The following CACNA1E variants were observed in gnomAD, a reference collection of about 807,000 sequenced individuals.
CACNA1E encodes calcium voltage-gated channel subunit alpha1 E.
Under a neutral mutation model 259.2 loss-of-function variants are expected in CACNA1E, and 40 were observed. The ratio of observed to expected loss-of-function variants is 0.15; its 90% CI spans 0.12 to 0.20. CACNA1E has a LOEUF of 0.20. Among genes scored for constraint, CACNA1E ranks in the 10% least tolerant of loss-of-function variants. The pLI is 1.00. For missense variants in CACNA1E, 1,874 were observed against 3,040.1 expected, an observed-to-expected ratio of 0.62 and a Z score of 9.02; for synonymous variants, 1,104 against 1,138.5, an observed-to-expected ratio of 0.97 and a Z score of 0.61.
At chr1:181,615,352 G>A (rs370037126) in intron 6 of CACNA1E, among the ~76,000 whole-genome samples, 2 of 152,002 alleles carry the variant, frequency 1.3e-5, no homozygotes, top group Non-Finnish European at 2.9e-5. Context: ...ACCACGCCTG[G>A]CTAATTTTTG....
chr1:181,327,644 A>C (rs1180833622), intron 1 of CACNA1E, among the ~76,000 whole-genome samples: 1 of 152,254 alleles, frequency 6.6e-6, no homozygotes, highest in African/African-American at 2.4e-5. Flanking sequence ...ATAAATGTTC[A>C]GAAAGAGCTT....
At chr1:181,723,001 T>C (rs1654550892) in intron 16 of CACNA1E, among the ~76,000 whole-genome samples, 1 of 152,220 alleles carries the variant, frequency 6.6e-6, no homozygotes, top group African/African-American at 2.4e-5. Flanking sequence ...AACAGTTCTA[T>C]GTTCCACAAC....
intron 7 of CACNA1E, among the ~76,000 whole-genome samples, chr1:181,678,518 C>G (rs1041744812): frequency 5.3e-5 from 8 of 152,186 alleles, no homozygotes. Flanking sequence ...GCACATCTAT[C>G]TAACATGTAT....
In CACNA1E at chr1:181,716,052, C is replaced by T. The variant is rs1484277447; in HGVS notation, c.1238C>T (p.Ala413Val). Residue 413 changes from alanine to valine, a missense_variant, in exon 10 of 48, where the codon GCA (alanine) becomes GTA (valine). Ala to Val is a moderately conservative substitution (Grantham distance 64, BLOSUM62 0). Coordinates refer to ENST00000367573, the MANE Select transcript of CACNA1E (RefSeq NM_001205293.3). ...TTCCCTGATGCAGTGCTTCGAAGGGCAACCATCAAGAGGAGCCGGACAGAG... is the reference window on the plus strand; with the variant it reads ...TTCCCTGATGCAGTGCTTCGAAGGGTAACCATCAAGAGGAGCCGGACAGAG... ...GTSALEVLRR[A>V]TIKRSRTEAM... The T allele has an allele frequency of 6.4e-7, 1 of 1,568,982 alleles. No individual in the cohort carries two copies. The highest frequency in any genetic ancestry group is 8.6e-7 in the Non-Finnish European group (1 of 1,156,334).
chr1:181,536,522 A>G (rs532559361), intron 3 of CACNA1E, among the ~76,000 whole-genome samples: 2 of 152,298 alleles, frequency 1.3e-5, no homozygotes, highest in South Asian at 2.1e-4. Context: ...TGATAATTAT[A>G]TGTCTTCATT....
In CACNA1E at chr1:181,511,459, C is replaced by T; in HGVS notation, c.461C>T (p.Ser154Phe). 1 of 1,613,982 alleles carries T rather than the reference C, an allele frequency of 6.2e-7. No homozygotes were observed. The stretch of plus-strand genomic sequence containing the variant: ...CTGGGGTTCATCTTCCATAAGGGCT[C>T]TTACCTCCGCAATGGCTGGAATGTC... ...VALGFIFHKG[S>F]YLRNGWNVMD... Residue 154 changes from serine to phenylalanine, a missense_variant, in exon 3 of 48, where the codon TCT becomes TTT. By Grantham distance (155) the Ser-to-Phe change is radical. Around this residue, in one of 14 missense-constraint regions of CACNA1E, gnomAD observed 55 missense variants for 156.5 expected, o/e 0.35. Transcript: ENST00000367573.
chr1:181,466,562 AT>A (rs1450457474), intron 2 of CACNA1E, among the ~76,000 whole-genome samples: 4 of 152,126 alleles, frequency 2.6e-5, no homozygotes, highest in Admixed American at 6.5e-5. Flanking sequence ...AAAACAAAAA[AT>A]AAAACAAAGC....
chr1:181,581,536 C>G (rs1651543649), intron 6 of CACNA1E, among the ~76,000 whole-genome samples: 1 of 152,128 alleles, frequency 6.6e-6, no homozygotes, highest in African/African-American at 2.4e-5. Flanking sequence ...TGAGAAGGTT[C>G]TGAGTTGGTC....
intron 6 of CACNA1E, among the ~76,000 whole-genome samples, chr1:181,628,510 G>A (rs1378598029): frequency 6.6e-6 from 1 of 152,170 alleles, no homozygotes; most frequent in Non-Finnish European, 1.5e-5. Flanking sequence ...TCATAGAAAA[G>A]GCTTTTAGGT....
Position 181,721,850 on chromosome 1 carries a change from C to T in CACNA1E, c.2049C>T (p.Phe683=). The part of the protein sequence containing the change: ...VSSGMWSAIY[F]IVLTLFGNYT... ...CAGGCATGTGGTCTGCCATCTACTT[C>T]ATTGTGCTCACCTTGTTTGGCAACT... The change falls in exon 16 of 48, where the codon TTC becomes TTT. Residue 683 remains phenylalanine (F), a synonymous_variant. Transcript: ENST00000367573. 1 of 1,611,624 alleles carries T rather than the reference C, an allele frequency of 6.2e-7. No homozygotes were observed. The highest frequency in any genetic ancestry group is 8.5e-7 in the Non-Finnish European group (1 of 1,177,752).
At chr1:181,632,802 T>G (rs1656867887) in intron 6 of CACNA1E, among the ~76,000 whole-genome samples, 1 of 152,152 alleles carries the variant, frequency 6.6e-6, no homozygotes, top group Non-Finnish European at 1.5e-5. Flanking sequence ...AGTCAAATGT[T>G]TCTGGAGCAT....
chr1:181,674,811 C>T (rs1023138443), intron 7 of CACNA1E, among the ~76,000 whole-genome samples: 2 of 152,178 alleles, frequency 1.3e-5, no homozygotes, highest in African/African-American at 4.8e-5. Flanking sequence ...GCTCTGTGGA[C>T]CAAACAAGCA....
At chr1:181,693,453 A>T (rs979004334) in intron 7 of CACNA1E, among the ~76,000 whole-genome samples, 1 of 152,212 alleles carries the variant, frequency 6.6e-6, no homozygotes, top group Non-Finnish European at 1.5e-5. Context: ...GTACATATAC[A>T]CCATGGAATA....
chr1:181,356,446 C>T (rs906465405), intron 1 of CACNA1E, among the ~76,000 whole-genome samples: 3 of 152,122 alleles, frequency 2.0e-5, no homozygotes, highest in African/African-American at 7.2e-5. Flanking sequence ...TCCCCTTCCC[C>T]TAGTTTAATA....
At chr1:181,440,780 G>A (rs1297846064) in intron 2 of CACNA1E, among the ~76,000 whole-genome samples, 2 of 151,760 alleles carry the variant, frequency 1.3e-5, no homozygotes, top group South Asian at 2.1e-4. Flanking sequence ...CCAGGAGTTC[G>A]ACACCAGCCT....
intron 1 of CACNA1E, among the ~76,000 whole-genome samples, chr1:181,407,051 G>C (rs974689693): frequency 6.6e-6 from 1 of 152,122 alleles, no homozygotes; most frequent in East Asian, 1.9e-4. Context: ...CAACTCCTCC[G>C]CAGAGACTCA....
chr1:181,505,783 G>C (rs913226066), intron 1 of CACNA1E, among the ~76,000 whole-genome samples: 1 of 152,068 alleles, frequency 6.6e-6, no homozygotes, highest in Non-Finnish European at 1.5e-5. Flanking sequence ...AGTTCAAATG[G>C]GTATACAGTG....
intron 37 of CACNA1E, 28 bp downstream of exon 37, chr1:181,772,259 T>C: frequency 1.2e-6 from 2 of 1,603,048 alleles, no homozygotes; most frequent in Non-Finnish European, 1.7e-6. Flanking sequence ...TTTGCCTTGC[T>C]ATGTGGCCCA....
chr1:181,687,590 G>A (rs1426462310), intron 7 of CACNA1E, among the ~76,000 whole-genome samples: 2 of 152,144 alleles, frequency 1.3e-5, no homozygotes, highest in African/African-American at 4.8e-5. Context: ...GCTTCTGAGT[G>A]ATTTTATGAC....
Sources: gnomAD v4.1 joint callset for allele counts (sites outside exome capture counted in the v4.1 genomes callset) on GRCh38, gnomAD v4.1.1 for gene constraint, gnomAD v4.1.1 regional missense constraint, MANE v1.5 for transcripts, NCBI Gene and HGNC (gene_info 2026-07-23, HGNC 2026-07-21) for gene names.